Variants in GGNBP2 observed in about 807,000 individuals in gnomAD.
GGNBP2 encodes gametogenetin binding protein 2, also known as gametogenetin-binding protein 2.
Under a neutral mutation model 85.9 loss-of-function variants are expected in GGNBP2, and 10 were observed. The ratio of observed to expected loss-of-function variants is 0.12; its 90% CI spans 0.07 to 0.20. The LOEUF (loss-of-function observed/expected upper bound fraction) is 0.20, where lower values mean the gene tolerates loss of function less well. GGNBP2 is among the 10% of genes least tolerant of loss of function. The probability of loss-of-function intolerance (pLI) is 1.00; values close to 1 mark genes in which losing one functional copy is unlikely to be tolerated. For missense variants in GGNBP2, 595 were observed against 857.8 expected (o/e 0.69, Z 3.83); for synonymous variants, 287 against 285.7 (o/e 1.00, Z -0.05).
chr17:36,572,960 T>A (rs1451723894), intron 6 of GGNBP2, among the ~76,000 whole-genome samples: 1 of 152,092 alleles, frequency 6.6e-6, no homozygotes. Flanking sequence ...TTATTTTACT[T>A]AGCCATTATC....
intron 6 of GGNBP2, among the ~76,000 whole-genome samples, chr17:36,570,001 G>C (rs2074507297): frequency 1.3e-5 from 2 of 152,166 alleles, no homozygotes; most frequent in Admixed American, 1.3e-4. Context: ...GATGAATTTA[G>C]GGAGATTGTA....
At chr17:36,575,644 A>ATTTT (rs1195389811) in intron 6 of GGNBP2, among the ~76,000 whole-genome samples, 6 of 52,490 alleles carry the variant, frequency 1.1e-4, no homozygotes, top group African/African-American at 4.1e-4. Context: ...ATATATATAT[A>ATTTT]TATATTTTTT....
At position 36,574,397 on chromosome 17, in the gene GGNBP2, C is replaced by T. The variant is rs994587791; in HGVS notation, c.642-3586C>T. ...GAATGTGTCCCATTGTTAAGTGACA[C>T]GACTGTAGTCTTTTTTTTTTTTTTC... On this transcript the variant is annotated intron_variant, in intron 6 of 13. Transcript: ENST00000613102. 7 of 170,326 alleles carry T rather than the reference C, an allele frequency of 4.1e-5. No individual in the cohort carries two copies. The East Asian group carries it at 7.9e-4, about 19-fold the overall frequency. 10.6% of individuals were successfully genotyped at this position (170,326 alleles called of 1,614,324 possible). A position where few individuals can be genotyped will look rare whatever the true frequency, so the allele number is the denominator to read the frequency against.
At chr17:36,545,543 C>G (rs1345144898) in intron 1 of GGNBP2, 76 bp from the exon 2 acceptor site, 2 of 571,116 alleles carry the variant, frequency 3.5e-6, no homozygotes, top group East Asian at 3.0e-5. Context: ...TACCCTCCCG[C>G]TCCGCTCCCT....
rs761044939 is a variant in GGNBP2, at chr17:36,557,299, G to A, written c.391G>A (p.Asp131Asn). The A allele has an allele frequency of 1.9e-6, 3 of 1,613,670 alleles. No homozygotes were observed. Among genetic ancestry groups the A allele is most frequent in the African/African-American group, 2.7e-5 (2 of 75,026 alleles). Reference sequence around the variant, plus strand: ...GTCTGTAACTAGAAGCTGCATGACTGATGCAAAGAAGCTTTATACATTATT... The same window carrying A: ...GTCTGTAACTAGAAGCTGCATGACTAATGCAAAGAAGCTTTATACATTATT... Reference protein sequence around the residue: ...VLSVTRSCMTDAKKLYTLFYV... With the variant: ...VLSVTRSCMTNAKKLYTLFYV... Residue 131 changes from aspartate (D) to asparagine (N), a missense_variant, in exon 4 of 14, where the codon GAT becomes AAT. Physicochemically the swap from Asp to Asn is conservative, Grantham distance 23. This residue lies in a region of GGNBP2 where 216 missense variants were observed against 293.4 expected (regional missense o/e 0.74). Transcript: ENST00000613102.
intron 6 of GGNBP2, among the ~76,000 whole-genome samples, chr17:36,571,533 G>T (rs918014122): frequency 6.6e-6 from 1 of 151,912 alleles, no homozygotes; most frequent in Non-Finnish European, 1.5e-5. Flanking sequence ...CTCGGCAACA[G>T]CAAGACTCCA....
At chr17:36,556,330 A>G (rs1330165473) in intron 3 of GGNBP2, among the ~76,000 whole-genome samples, 1 of 152,182 alleles carries the variant, frequency 6.6e-6, no homozygotes, top group Non-Finnish European at 1.5e-5. Flanking sequence ...GCTGCTCCAT[A>G]TGATTACCAT....
chr17:36,584,147 AGATT>A (rs2074677608), intron 9 of GGNBP2, among the ~76,000 whole-genome samples: 2 of 152,230 alleles, frequency 1.3e-5, no homozygotes, highest in South Asian at 4.1e-4. Context: ...TTGAAGTAAC[AGATT>A]GACTTCATTC....
chr17:36,575,613 C>CATATATATATATATATATAT (rs776677029), intron 6 of GGNBP2, among the ~76,000 whole-genome samples: 6 of 66,938 alleles, frequency 9.0e-5, no homozygotes, highest in African/African-American at 2.6e-4. Context: ...TCTAATGTAA[C>CATATATATATATATATATAT]ATATATATAT....
At chr17:36,576,591 ATATATGTGTGTGTGTGTGTG>A (rs1318884953) in intron 6 of GGNBP2, 8 of 49,180 alleles carry the variant, frequency 1.6e-4, no homozygotes, top group African/African-American at 6.2e-4. Context: ...AAAAATATAT[ATATATGTGTGTGTGTGTGTG>A]TGTGTGTGTG....
At chr17:36,548,018 CT>C (rs957896277) in intron 2 of GGNBP2, among the ~76,000 whole-genome samples, 18 of 152,212 alleles carry the variant, frequency 1.2e-4, no homozygotes, top group African/African-American at 4.1e-4. Flanking sequence ...GAAGATGCCC[CT>C]ATCAGAGTTT....
chr17:36,582,730 T>C (rs2074663572), intron 9 of GGNBP2, among the ~76,000 whole-genome samples: 2 of 152,226 alleles, frequency 1.3e-5, no homozygotes, highest in African/African-American at 4.8e-5. Flanking sequence ...CTGACTTTAA[T>C]GTATTATTAG....
chr17:36,582,513 G>A (rs984544446), intron 9 of GGNBP2: 7 of 152,190 alleles, frequency 4.6e-5, no homozygotes, highest in Admixed American at 3.9e-4. Flanking sequence ...TTCGATTCTT[G>A]GTTGAATTTA....
chr17:36,586,805 GA>G (rs2074706053), intron 12 of GGNBP2, 191 bp from the exon 13 acceptor site: 3 of 533,876 alleles, frequency 5.6e-6, no homozygotes, highest in Non-Finnish European at 6.6e-6. Flanking sequence ...TTTTAGTAGA[GA>G]TGGCATTTGA....
chr17:36,576,195 C>G (rs1168159773), intron 6 of GGNBP2, among the ~76,000 whole-genome samples: 1 of 129,020 alleles, frequency 7.8e-6, no homozygotes, highest in Non-Finnish European at 1.6e-5. Flanking sequence ...AAAAATCAGC[C>G]CAGTGTGGTG....
At chr17:36,588,494 G>A (rs186457983) in intron 13 of GGNBP2, among the ~76,000 whole-genome samples, 1 of 152,318 alleles carries the variant, frequency 6.6e-6, no homozygotes, top group African/African-American at 2.4e-5. Flanking sequence ...AACCTCAGGT[G>A]ATCTGCCCAC....
At chr17:36,584,963 A>C (rs2074686186) in intron 9 of GGNBP2, among the ~76,000 whole-genome samples, 1 of 152,146 alleles carries the variant, frequency 6.6e-6, no homozygotes, top group African/African-American at 2.4e-5. Context: ...AAAAAAAAAA[A>C]AAAAGGAAAA....
chr17:36,565,753 A>G (rs2074461893), intron 5 of GGNBP2, among the ~76,000 whole-genome samples: 1 of 152,128 alleles, frequency 6.6e-6, no homozygotes, highest in African/African-American at 2.4e-5. Context: ...AAAATTAGCC[A>G]GGTGTGGTAG....
At chr17:36,577,937 T>C in intron 6 of GGNBP2, 46 bp from the exon 7 acceptor site, 2 of 1,467,588 alleles carry the variant, frequency 1.4e-6, no homozygotes, top group Non-Finnish European at 9.5e-7. Context: ...CCACAAGAAA[T>C]AATTGCACAG....
Sources: gnomAD v4.1 joint callset for allele counts (sites outside exome capture counted in the v4.1 genomes callset) on GRCh38, gnomAD v4.1.1 for gene constraint, gnomAD v4.1.1 regional missense constraint, MANE v1.5 for transcripts, NCBI Gene and HGNC (gene_info 2026-07-23, HGNC 2026-07-21) for gene names.